The following B3GAT2 variants were observed in gnomAD, a reference collection of about 807,000 sequenced individuals.
B3GAT2 encodes galactosylgalactosylxylosylprotein 3-beta-glucuronosyltransferase 2.
B3GAT2 carries 26 observed loss-of-function variants against 27.8 expected under a neutral mutation model. The observed-to-expected ratio is 0.93, with a 90% confidence interval of 0.68 to 1.30. B3GAT2 has a LOEUF of 1.30. B3GAT2 is among the 50% of genes most tolerant of loss of function. The probability of loss-of-function intolerance (pLI) is 0.00; values close to 1 mark genes in which losing one functional copy is unlikely to be tolerated. For missense variants in B3GAT2, 458 were observed against 459.0 expected (o/e 1.00, Z 0.02); for synonymous variants, 218 against 195.1 (o/e 1.12, Z -0.98).
At chr6:70,910,626 C>A (rs931808037) in intron 1 of B3GAT2, among the ~76,000 whole-genome samples, 1 of 152,138 alleles carries the variant, frequency 6.6e-6, no homozygotes, top group Non-Finnish European at 1.5e-5. Flanking sequence ...AATAGTGCTG[C>A]GATGAACGTG....
rs920387634 is a variant in B3GAT2, at chr6:70,913,084, C to T, written c.592-18812G>A. Among the ~76,000 whole-genome samples, 7 of 152,004 alleles carry T rather than the reference C, an allele frequency of 4.6e-5. No homozygotes were observed. The East Asian group carries it at 1.2e-3, about 25-fold the overall frequency. On this transcript the variant is annotated intron_variant, in intron 1 of 3. Transcript: ENST00000230053. The stretch of plus-strand genomic sequence containing the variant: ...TTTTTTGATTAGTATAATCAGTGGT[C>T]TATCCATCTTATTTATTGTTTCAAA...
At position 70,956,330 on chromosome 6, in the gene B3GAT2, G is replaced by GC; in HGVS notation, c.99dup (p.Leu34AlafsTer125). On this transcript the variant is annotated frameshift_variant, in exon 1 of 4. Transcript: ENST00000230053. LOFTEE classifies it high-confidence loss of function. ...GGAGAGAAGTAGGGGCGCGGGGTGA[G>GC]CGGGGGCACTGGCCTGCGCGTGTCC... 4 of 1,580,764 alleles carry GC rather than the reference G, an allele frequency of 2.5e-6. No individual in the cohort carries two copies. The highest frequency in any genetic ancestry group is 3.4e-6 in the Non-Finnish European group (4 of 1,162,878).
chr6:70,915,659 G>C (rs1038077909), intron 1 of B3GAT2, among the ~76,000 whole-genome samples: 1 of 152,220 alleles, frequency 6.6e-6, no homozygotes, highest in African/African-American at 2.4e-5. Context: ...TTATTAAATA[G>C]GGAATCCTTT....
In B3GAT2 at chr6:70,956,156, G is replaced by C; in HGVS notation, c.274C>G (p.Pro92Ala). 1.9e-6 allele frequency: 3 copies of C among 1,607,704 alleles called. No individual in the cohort carries two copies. Among genetic ancestry groups the C allele is most frequent in the Non-Finnish European group, 2.5e-6 (3 of 1,176,746 alleles). The change falls in exon 1 of 4, where the codon CCG becomes GCG. Residue 92 changes from proline to alanine, a missense_variant. Physicochemically the swap from Pro to Ala is conservative, Grantham distance 27. Coordinates refer to ENST00000230053, the MANE Select transcript of B3GAT2 (RefSeq NM_080742.3). ...CGGGTCAGCTCCGCTTTCTGCACCG[G>C]GCGGCTGTAGGTGGGCGTGATGGCA... is the stretch of plus-strand genomic sequence containing the variant. The part of the protein sequence containing the change: ...IYAITPTYSR[P>A]VQKAELTRLA...
rs765204979 is a variant in B3GAT2 at position 70,857,984 on chromosome 6, T to C, written c.*3679A>G. On this transcript the variant is annotated 3_prime_UTR_variant, in exon 4 of 4. Coordinates refer to ENST00000230053, the MANE Select transcript of B3GAT2 (RefSeq NM_080742.3). ...ACAAGCACCAGCTGCATTTCAGGGCTTTCCATCGATGGGCGTGCCTGTGCC... is the reference window on the plus strand; with the variant it reads ...ACAAGCACCAGCTGCATTTCAGGGCCTTCCATCGATGGGCGTGCCTGTGCC... The C allele has an allele frequency of 4.3e-6, 7 of 1,614,172 alleles. No homozygotes were observed. Among genetic ancestry groups the C allele is most frequent in the Non-Finnish European group, 5.9e-6 (7 of 1,180,004 alleles).
rs989028381 is a variant in B3GAT2, at chr6:70,859,564, C to T, written c.*2099G>A. On this transcript the variant is annotated 3_prime_UTR_variant, in exon 4 of 4. Transcript: ENST00000230053. ...TCTGAGTGTAAGTTTTAAACCCACT[C>T]ACTATATGGTAAATCTTGCCTTTCC... The T allele has an allele frequency of 1.9e-6, 1 of 519,586 alleles. No homozygotes were observed. Among genetic ancestry groups the T allele is most frequent in the Admixed American group, 3.8e-5 (1 of 26,152 alleles). 32.2% of individuals were successfully genotyped at this position (519,586 alleles called of 1,614,324 possible).
intron 1 of B3GAT2, among the ~76,000 whole-genome samples, chr6:70,897,347 A>AT (rs1562222140): frequency 6.6e-6 from 1 of 152,154 alleles, no homozygotes. Context: ...TTTCATTCTT[A>AT]TAACAGTGTC....
intron 2 of B3GAT2, among the ~76,000 whole-genome samples, chr6:70,875,838 T>C (rs1171391707): frequency 6.6e-6 from 1 of 152,196 alleles, no homozygotes; most frequent in Non-Finnish European, 1.5e-5. Context: ...CAAGAAGTGT[T>C]CTTTATTTAA....
intron 1 of B3GAT2, among the ~76,000 whole-genome samples, chr6:70,933,107 C>G (rs575806120): frequency 6.6e-6 from 1 of 152,256 alleles, no homozygotes; most frequent in African/African-American, 2.4e-5. Context: ...CTGCCATGTA[C>G]TTTTAAATGT....
At chr6:70,915,180 G>A (rs1772751371) in intron 1 of B3GAT2, among the ~76,000 whole-genome samples, 1 of 152,018 alleles carries the variant, frequency 6.6e-6, no homozygotes, top group Non-Finnish European at 1.5e-5. Context: ...TTTTTCATAT[G>A]TCTGTTGGCT....
At chr6:70,929,956 C>T (rs556506646) in intron 1 of B3GAT2, among the ~76,000 whole-genome samples, 2 of 152,304 alleles carry the variant, frequency 1.3e-5, no homozygotes, top group African/African-American at 4.8e-5. Flanking sequence ...TATAAGGCTA[C>T]AGTAACCAAA....
At chr6:70,950,286 T>G (rs1765558271) in intron 1 of B3GAT2, among the ~76,000 whole-genome samples, 1 of 84,348 alleles carries the variant, frequency 1.2e-5, no homozygotes, top group African/African-American at 4.9e-5. Context: ...TACATTTTCT[T>G]GCAAAAAAAA....
At position 70,956,467 on chromosome 6, in the gene B3GAT2, G is replaced by A. The variant is rs770593773; in HGVS notation, c.-38C>T. On this transcript the variant is annotated 5_prime_UTR_variant, in exon 1 of 4. Coordinates refer to ENST00000230053, the MANE Select transcript of B3GAT2 (RefSeq NM_080742.3). ...CTGGCCTCTCGGACACCCCAGAGAG[G>A]GGCGAGCCGAGGGACCCCAGTGCGC... The A allele has an allele frequency of 1.9e-6, 3 of 1,549,576 alleles. No individual in the cohort carries two copies. The highest frequency in any genetic ancestry group is 2.6e-6 in the Non-Finnish European group (3 of 1,146,568).
At position 70,894,114 on chromosome 6, in the gene B3GAT2, C is replaced by T; in HGVS notation, c.736+14G>A. The T allele has an allele frequency of 1.2e-6, 2 of 1,600,356 alleles. No homozygotes were observed. The highest frequency in any genetic ancestry group is 2.7e-5 in the African/African-American group (2 of 74,646). On this transcript the variant is annotated intron_variant, in intron 2 of 3. Transcript: ENST00000230053. ...AGTCCAGCAGGAACAAATGTCATCACCCACACTGCTCACCTGCCATGTCGA... is the reference window on the plus strand; with the variant it reads ...AGTCCAGCAGGAACAAATGTCATCATCCACACTGCTCACCTGCCATGTCGA...
chr6:70,897,517 T>A, intron 1 of B3GAT2, among the ~76,000 whole-genome samples: 1 of 152,026 alleles, frequency 6.6e-6, no homozygotes, highest in East Asian at 1.9e-4. Context: ...GGTGGGCGGA[T>A]CACTTGAGGT....
chr6:70,920,963 C>T (rs547544384), intron 1 of B3GAT2, among the ~76,000 whole-genome samples: 6 of 152,312 alleles, frequency 3.9e-5, no homozygotes, highest in Non-Finnish European at 7.4e-5. Context: ...CAAATCTCTC[C>T]TGGCTTGTAG....
In B3GAT2 at chr6:70,858,285, ATCTTTTTT is replaced by A; in HGVS notation, c.*3370_*3377del. On this transcript the variant is annotated 3_prime_UTR_variant, in exon 4 of 4. Coordinates refer to ENST00000230053, the MANE Select transcript of B3GAT2 (RefSeq NM_080742.3). Reference sequence around the variant, plus strand: ...AAATCAAACCAGATTTATTTTCTAAATCTTTTTTTTTTTTTTTTTTTTTTTTTTTTAAG... The same window carrying A: ...AAATCAAACCAGATTTATTTTCTAAATTTTTTTTTTTTTTTTTTTTTTAAG... The A allele has an allele frequency of 2.9e-6, 3 of 1,019,724 alleles. No homozygotes were observed. Among genetic ancestry groups the A allele is most frequent in the Non-Finnish European group, 2.6e-6 (2 of 767,950 alleles). The allele number at this position is 1,019,724 out of a possible 1,614,324, so 63.2% of individuals were successfully genotyped here.
chr6:70,865,196 G>A (rs1004928254), intron 2 of B3GAT2, among the ~76,000 whole-genome samples: 11 of 152,102 alleles, frequency 7.2e-5, no homozygotes, highest in South Asian at 4.2e-4. Context: ...GCACAATCTC[G>A]GCTCACTGCA....
chr6:70,950,915 T>C (rs1258535215), intron 1 of B3GAT2, among the ~76,000 whole-genome samples: 1 of 152,200 alleles, frequency 6.6e-6, no homozygotes, highest in East Asian at 1.9e-4. Flanking sequence ...TTATTTAAAA[T>C]TGTATGCAAA....
Sources: allele counts gnomAD v4.1 joint callset (sites outside exome capture counted in the v4.1 genomes callset), GRCh38; gene constraint gnomAD v4.1.1; transcripts MANE v1.5; gene names NCBI Gene and HGNC (gene_info 2026-07-23, HGNC 2026-07-21).